The following APC2 variants were observed in gnomAD, a reference collection of about 807,000 sequenced individuals.
The protein encoded by APC2 is APC regulator of Wnt signaling pathway 2.
In APC2, 41 loss-of-function variants were observed where a neutral mutation model predicts 72.5. The observed-to-expected ratio is 0.57, with a 90% CI of 0.44 to 0.73. The LOEUF (loss-of-function observed/expected upper bound fraction) is 0.73. Ranked by LOEUF, APC2 falls within the 30% of genes least tolerant of loss-of-function variation. The pLI, the probability that APC2 is intolerant of heterozygous loss-of-function variation, is 0.00. For synonymous variants in APC2, 1,898 were observed against 1,612.0 expected, an observed-to-expected ratio of 1.18 and a Z score of -4.25; for missense variants, 3,729 against 3,403.4, an observed-to-expected ratio of 1.10 and a Z score of -2.38.
Position 1,465,348 on chromosome 19 carries a change from A to C in APC2, c.2047A>C (p.Ile683Leu), listed in dbSNP as rs748682248. 6.3e-7 allele frequency: 1 copy of C among 1,588,828 alleles called. No individual in the cohort carries two copies. Among genetic ancestry groups the C allele is most frequent in the South Asian group, 1.1e-5 (1 of 89,734 alleles). ...TCTGGTGCACTCCAAGCACAAGATG[A>C]TCGCCATGGGCAGCGCCGCCGCCCT... is the stretch of plus-strand genomic sequence containing the variant. ...RNLVHSKHKM[I>L]AMGSAAALRN... is the part of the protein sequence containing the mutation. Residue 683 changes from isoleucine to leucine, a missense_variant, in exon 15 of 15, where the codon ATC becomes CTC. Physicochemically the swap from Ile to Leu is conservative, Grantham distance 5 (BLOSUM62 2). Coordinates refer to ENST00000590469, the MANE Select transcript of APC2 (RefSeq NM_005883.3).
intron 6 of APC2, 126 bp downstream of exon 6, chr19:1,455,626 G>A: frequency 1.0e-6 from 1 of 958,396 alleles, no homozygotes; most frequent in Non-Finnish European, 1.6e-6. Flanking sequence ...GGGTTGGGGG[G>A]CGCGGGTTCT....
upstream of APC2, among the ~76,000 whole-genome samples, chr19:1,448,713 G>A (rs1264007828): frequency 2.7e-4 from 40 of 148,490 alleles, no homozygotes; most frequent in African/African-American, 9.2e-4. Flanking sequence ...GCGTGGTGGC[G>A]GGCGCCTGTA....
At position 1,467,493 on chromosome 19, in the gene APC2, G is replaced by A. The variant is rs2084040011; in HGVS notation, c.4192G>A (p.Val1398Ile). 14 of 1,458,262 alleles carry A rather than the reference G, an allele frequency of 9.6e-6. No homozygotes were observed. Among genetic ancestry groups the A allele is most frequent in the Non-Finnish European group, 1.3e-5 (14 of 1,107,212 alleles). The allele number at this position is 1,458,262 out of a possible 1,614,324, so 90.3% of individuals were successfully genotyped here. A position where few individuals can be genotyped will look rare whatever the true frequency, so the allele number is the denominator to read the frequency against. The change falls in exon 15 of 15, where the codon GTC (valine) becomes ATC (isoleucine). Residue 1398 changes from valine (V) to isoleucine (I), a missense_variant. Coordinates refer to ENST00000590469, the MANE Select transcript of APC2 (RefSeq NM_005883.3). ...SCTDSAEGTP[V>I]NFSSAASLSD... is the part of the protein sequence containing the mutation. ...CACTGACTCCGCGGAGGGCACGCCG[G>A]TCAACTTCTCTAGCGCCGCCTCGCT...
In APC2 at chr19:1,466,288, C is replaced by T. The variant is rs748616661; in HGVS notation, c.2987C>T (p.Ser996Leu). Reference sequence around the variant, plus strand: ...GCCCGCGTGCGCACCATCAAGCTGTCGCCTACCTATCAGCACGTGCCACTG... The same window carrying T: ...GCCCGCGTGCGCACCATCAAGCTGTTGCCTACCTATCAGCACGTGCCACTG... ...ADARVRTIKL[S>L]PTYQHVPLLE... Residue 996 changes from serine to leucine, a missense_variant, in exon 15 of 15, where the codon TCG becomes TTG. Coordinates refer to ENST00000590469, the MANE Select transcript of APC2 (RefSeq NM_005883.3). 7 of 1,535,554 alleles carry T rather than the reference C, an allele frequency of 4.6e-6. No individual in the cohort carries two copies. The South Asian group carries it at 4.9e-5, about 11-fold the overall frequency.
rs763733042 is a variant in APC2 at position 1,453,505 on chromosome 19, C to T, written c.307C>T (p.Arg103Trp). The T allele has an allele frequency of 7.5e-6, 12 of 1,607,752 alleles. No individual in the cohort carries two copies. The highest frequency in any genetic ancestry group is 3.3e-5 in the Admixed American group (2 of 59,764). ...PPTLGPEPAARTPEGSPVHGS... is the reference protein window; with the variant it reads ...PPTLGPEPAAWTPEGSPVHGS... ...CACCCTGGGCCCGGAGCCTGCCGCC[C>T]GGACCCCCGAGGGCAGCCCAGTACA... The change falls in exon 4 of 15, where the codon CGG becomes TGG. Residue 103 changes from arginine (R) to tryptophan (W), a missense_variant. Transcript: ENST00000590469.
chr19:1,467,076 G>C lies in APC2; in HGVS notation c.3775G>C (p.Gly1259Arg). Residue 1259 changes from glycine (G) to arginine (R), a missense_variant, in exon 15 of 15, where the codon GGC becomes CGC. Transcript: ENST00000590469. ...RCRLPSELDA[G>R]SVRFTVEKPD... is the part of the protein sequence containing the mutation. Reference sequence around the variant, plus strand: ...CCGGCTGCCATCTGAGCTGGACGCAGGCAGCGTGCGCTTTACCGTGGAGAA... The same window carrying C: ...CCGGCTGCCATCTGAGCTGGACGCACGCAGCGTGCGCTTTACCGTGGAGAA... The C allele has an allele frequency of 1.2e-6, 2 of 1,611,212 alleles. No homozygotes were observed. The highest frequency in any genetic ancestry group is 1.7e-6 in the Non-Finnish European group (2 of 1,179,410).
chr19:1,472,501 C>T lies in APC2; in HGVS notation c.*2288C>T, dbSNP rs1474081361. On this transcript the variant is annotated 3_prime_UTR_variant, in exon 15 of 15. Transcript: ENST00000590469. ...TGGTGGCAGCGATGATGGGGAGACG[C>T]CTGGAAGCTCACAGAACTTGGGTCT... 1.3e-5 allele frequency: 2 copies of T among 152,308 alleles called. No homozygotes were observed. Among genetic ancestry groups the T allele is most frequent in the Non-Finnish European group, 1.5e-5 (1 of 68,088 alleles). The allele number at this position is 152,308 out of a possible 1,614,324, so 9.4% of individuals were successfully genotyped here. A position where few individuals can be genotyped will look rare whatever the true frequency, so the allele number is the denominator to read the frequency against.
In APC2 at chr19:1,467,581, G is replaced by C. The variant is rs1185549323; in HGVS notation, c.4280G>C (p.Arg1427Thr). 2.6e-6 allele frequency: 4 copies of C among 1,513,194 alleles called. No homozygotes were observed. In the African/African-American group the frequency reaches 5.7e-5, roughly 22 times the overall value. 93.7% of individuals were successfully genotyped at this position (1,513,194 alleles called of 1,614,324 possible). Residue 1427 changes from arginine to threonine, a missense_variant, in exon 15 of 15, where the codon AGA (arginine) becomes ACA (threonine). Coordinates refer to ENST00000590469, the MANE Select transcript of APC2 (RefSeq NM_005883.3). ...CCCGGGGGACCAGCGGGCAGGCAAA[G>C]ACCCACCGGCCGCCCCACCTCTGCC... Reference protein sequence around the residue: ...DQPGGPAGRQRPTGRPTSARQ... With the variant: ...DQPGGPAGRQTPTGRPTSARQ...
In APC2 at chr19:1,465,506, C is replaced by T. The variant is rs1482249651; in HGVS notation, c.2205C>T (p.Leu735=). Residue 735 remains leucine (L), a synonymous_variant, in exon 15 of 15, where the codon CTC becomes CTT. Transcript: ENST00000590469. ...AGGCCGAGCTGGACGCACGGCACCT[C>T]GCGCAGGCGCTGGAGCACCTGGAGA... The part of the protein sequence containing the change: ...ALEAELDARH[L]AQALEHLEKQ... The T allele has an allele frequency of 6.6e-7, 1 of 1,524,308 alleles. No individual in the cohort carries two copies. Among genetic ancestry groups the T allele is most frequent in the Admixed American group, 2.1e-5 (1 of 48,488 alleles). 94.4% of individuals were successfully genotyped at this position (1,524,308 alleles called of 1,614,324 possible).
At position 1,467,572 on chromosome 19, in the gene APC2, G is replaced by T; in HGVS notation, c.4271G>T (p.Gly1424Val). The change falls in exon 15 of 15, where the codon GGC becomes GTC. Residue 1424 changes from glycine to valine, a missense_variant. Physicochemically the swap from Gly to Val is moderately radical, Grantham distance 109 (BLOSUM62 -3). Transcript: ENST00000590469. The part of the protein sequence containing the change: ...PPRDQPGGPA[G>V]RQRPTGRPTS... ...AGGGACCAGCCCGGGGGACCAGCGGGCAGGCAAAGACCCACCGGCCGCCCC... is the reference window on the plus strand; with the variant it reads ...AGGGACCAGCCCGGGGGACCAGCGGTCAGGCAAAGACCCACCGGCCGCCCC... The T allele has an allele frequency of 6.6e-7, 1 of 1,511,378 alleles. No individual in the cohort carries two copies. 93.6% of individuals were successfully genotyped at this position (1,511,378 alleles called of 1,614,324 possible). A position where few individuals can be genotyped will look rare whatever the true frequency, so the allele number is the denominator to read the frequency against.
In APC2 at chr19:1,468,331, G is replaced by C. The variant is rs541275280; in HGVS notation, c.5030G>C (p.Arg1677Pro). The C allele has an allele frequency of 7.6e-5, 119 of 1,556,916 alleles. 1 individual carries two copies. The South Asian group carries it at 7.8e-4, about 10-fold the overall frequency. The stretch of plus-strand genomic sequence containing the variant: ...GGCGAGGAGGCAGCGGGCTCGGACC[G>C]GGCCTCCGACCTGGATAGCGTGGAG... ...ERGEEAAGSD[R>P]ASDLDSVEWR... Residue 1677 changes from arginine (R) to proline (P), a missense_variant, in exon 15 of 15, where the codon CGG (arginine) becomes CCG (proline). Transcript: ENST00000590469.
In APC2 at chr19:1,450,152, G is replaced by T; in HGVS notation, c.-205G>T. 1.0e-6 allele frequency: 1 copy of T among 985,326 alleles called. No homozygotes were observed. The highest frequency in any genetic ancestry group is 1.2e-6 in the Non-Finnish European group (1 of 829,900). 61.0% of individuals were successfully genotyped at this position (985,326 alleles called of 1,614,324 possible). A position where few individuals can be genotyped will look rare whatever the true frequency, so the allele number is the denominator to read the frequency against. On this transcript the variant is annotated 5_prime_UTR_variant, in exon 1 of 15. Transcript: ENST00000590469. Reference sequence around the variant, plus strand: ...GTCTCGCCCAGCGCTAGGAGCGGCAGCGCCGCCTGCCCAGGCCCGGACCGG... The same window carrying T: ...GTCTCGCCCAGCGCTAGGAGCGGCATCGCCGCCTGCCCAGGCCCGGACCGG...
At chr19:1,449,008 C>T (rs1335311590), upstream of APC2, among the ~76,000 whole-genome samples, 2 of 152,216 alleles carry the variant, frequency 1.3e-5, no homozygotes. Context: ...AGTGCTGGCC[C>T]GGGACAAGGC....
chr19:1,454,009 C>T (rs535054648), intron 4 of APC2, among the ~76,000 whole-genome samples: 3 of 152,328 alleles, frequency 2.0e-5, no homozygotes, highest in South Asian at 4.1e-4. Context: ...GCCCAAGAAG[C>T]GTGGGCTCAG....
In APC2 at chr19:1,461,955, T is replaced by C. The variant is rs1368893363; in HGVS notation, c.1639-8T>C. On this transcript the variant is annotated splice_region_variant and splice_polypyrimidine_tract_variant and intron_variant, in intron 13 of 14. Transcript: ENST00000590469. ...CCCTGACCCGCCCCTCTCCCGCCCC[T>C]CGTCCAGGAGTCCACCCTGAAGAGC... 8.7e-7 allele frequency: 1 copy of C among 1,143,256 alleles called. No homozygotes were observed. Among genetic ancestry groups the C allele is most frequent in the Non-Finnish European group, 1.2e-6 (1 of 806,904 alleles). 70.8% of individuals were successfully genotyped at this position (1,143,256 alleles called of 1,614,324 possible).
Position 1,458,054 on chromosome 19 carries a change from G to A in APC2, c.1297G>A (p.Glu433Lys), listed in dbSNP as rs867067028. The change falls in exon 10 of 15, where the codon GAG becomes AAG. Residue 433 changes from glutamate to lysine, a missense_variant. Transcript: ENST00000590469. ...TGAGGAGTACCGCCGTGCCATGAAC[G>A]AGCTAGGTGAGTGTCCCAGGTCCTC... is the stretch of plus-strand genomic sequence containing the variant. ...FDEEYRRAMN[E>K]LGGLQAVAEL... is the part of the protein sequence containing the mutation. 9 of 1,560,606 alleles carry A rather than the reference G, an allele frequency of 5.8e-6. No homozygotes were observed. Among genetic ancestry groups the A allele is most frequent in the Non-Finnish European group, 6.9e-6 (8 of 1,151,260 alleles).
In APC2 at chr19:1,468,997, C is replaced by T; in HGVS notation, c.5696C>T (p.Ala1899Val). 1.9e-6 allele frequency: 3 copies of T among 1,556,776 alleles called. No individual in the cohort carries two copies. Among genetic ancestry groups the T allele is most frequent in the African/African-American group, 1.4e-5 (1 of 71,324 alleles). Residue 1899 changes from alanine to valine, a missense_variant, in exon 15 of 15, where the codon GCC (alanine) becomes GTC (valine). Coordinates refer to ENST00000590469, the MANE Select transcript of APC2 (RefSeq NM_005883.3). ...KRPPVTQAAGALPGPGASPVP... is the reference protein window; with the variant it reads ...KRPPVTQAAGVLPGPGASPVP... ...CCCCCGGTCACCCAGGCTGCTGGGG[C>T]CCTGCCCGGCCCCGGAGCCTCCCCG...
rs753350102 is a variant in APC2 at position 1,455,467 on chromosome 19, C to T, written c.606C>T (p.Phe202=). The change falls in exon 6 of 15, where the codon TTC becomes TTT. Residue 202 remains phenylalanine, a synonymous_variant. Transcript: ENST00000590469. ...QHIRSLMEER[F]GTSDEMVQRA... The stretch of plus-strand genomic sequence containing the variant: ...TCCGCTCGCTGATGGAGGAGCGCTT[C>T]GGCACCTCGGACGAGATGGTGCAGC... 2.5e-6 allele frequency: 4 copies of T among 1,604,216 alleles called. No homozygotes were observed. The highest frequency in any genetic ancestry group is 3.4e-5 in the Admixed American group (2 of 59,242).
intron 1 of APC2, 135 bp downstream of exon 1, chr19:1,450,473 A>G: frequency 1.4e-6 from 1 of 726,202 alleles, no homozygotes; most frequent in Non-Finnish European, 1.7e-6. Flanking sequence ...TGGAGGGGAA[A>G]CTGAGTCCCG....
Sources: allele counts gnomAD v4.1 joint callset (sites outside exome capture counted in the v4.1 genomes callset), GRCh38; gene constraint gnomAD v4.1.1; transcripts MANE v1.5; gene names NCBI Gene and HGNC (gene_info 2026-07-23, HGNC 2026-07-21).